ZNF680: variants seen among roughly 807,000 people sequenced by gnomAD.
ZNF680 encodes the protein zinc finger protein 680, also known as hypothetical protein FLJ90430.
ZNF680 carries 6 observed loss-of-function variants against 12.1 expected under a neutral mutation model. That is an observed-to-expected ratio of 0.49 (90% CI 0.27 to 0.98). ZNF680 has a LOEUF of 0.98. Ranked by LOEUF, ZNF680 falls within the 50% of genes least tolerant of loss-of-function variation. The pLI is 0.12. For synonymous variants in ZNF680, 170 were observed against 199.3 expected (o/e 0.85, Z 1.24); for missense variants, 561 against 616.3 (o/e 0.91, Z 0.95).
intron 1 of ZNF680, among the ~76,000 whole-genome samples, chr7:64,545,764 C>T (rs1050583667): frequency 6.6e-6 from 1 of 152,018 alleles, no homozygotes; most frequent in South Asian, 2.1e-4. Flanking sequence ...GTGATAAATG[C>T]CATTCTGTTT....
chr7:64,531,023 A>G (rs1584362976), intron 3 of ZNF680, among the ~76,000 whole-genome samples: 2 of 152,064 alleles, frequency 1.3e-5, no homozygotes, highest in African/African-American at 4.8e-5. Context: ...TGTGATAAAC[A>G]CAGTAAGAGT....
At chr7:64,555,165 G>A (rs1039656573) in intron 1 of ZNF680, among the ~76,000 whole-genome samples, 1 of 151,890 alleles carries the variant, frequency 6.6e-6, no homozygotes, top group African/African-American at 2.4e-5. Context: ...TCAACACTTG[G>A]ACAAACAGTC....
chr7:64,562,820 G>T (rs112656525), intron 1 of ZNF680, 105 bp downstream of exon 1: 18,923 of 1,370,900 alleles, frequency 0.014, 360 homozygotes, highest in African/African-American at 0.055. Context: ...TCGGGCCGCG[G>T]ATTTTGGAGC....
At chr7:64,557,771 TC>T (rs751303808) in intron 1 of ZNF680, among the ~76,000 whole-genome samples, 1 of 151,842 alleles carries the variant, frequency 6.6e-6, no homozygotes, top group Non-Finnish European at 1.5e-5. Flanking sequence ...CACCTGTAGT[TC>T]CAGTTACTCA....
At chr7:64,553,587 T>C (rs184105680) in intron 1 of ZNF680, among the ~76,000 whole-genome samples, 134 of 151,142 alleles carry the variant, frequency 8.9e-4, no homozygotes, top group Non-Finnish European at 1.5e-3. Context: ...AAAGGTGTTA[T>C]AAAAAAAAAT....
Position 64,520,664 on chromosome 7 carries a change from T to C in ZNF680, c.*497A>G, listed in dbSNP as rs1016257118. The C allele has an allele frequency of 6.6e-6, 1 of 152,000 alleles. No homozygotes were observed. Among genetic ancestry groups the C allele is most frequent in the African/African-American group, 2.4e-5 (1 of 41,458 alleles). The allele number at this position is 152,000 out of a possible 1,614,324, so 9.4% of individuals were successfully genotyped here. A position where few individuals can be genotyped will look rare whatever the true frequency, so the allele number is the denominator to read the frequency against. On this transcript the variant is annotated 3_prime_UTR_variant, in exon 4 of 4. Transcript: ENST00000309683. The stretch of plus-strand genomic sequence containing the variant: ...TTGCAGGATTTTTCTCCAATATAAA[T>C]TCCCTGATGTTGAACAAAGTTTGAG...
the ZNF680 span, among the ~76,000 whole-genome samples, chr7:64,512,060 C>CAAAAA: frequency 8.9e-6 from 1 of 112,548 alleles, no homozygotes. Context: ...ACTTGGTCTC[C>CAAAAA]AAAAAAAAAA....
At chr7:64,513,109 A>G in the ZNF680 span, among the ~76,000 whole-genome samples, 2 of 152,194 alleles carry the variant, frequency 1.3e-5, no homozygotes, top group Non-Finnish European at 2.9e-5. Context: ...ACTATGCTAA[A>G]AAAAGTCAAA....
chr7:64,540,081 C>T (rs941401367), intron 3 of ZNF680, among the ~76,000 whole-genome samples: 6 of 152,188 alleles, frequency 3.9e-5, no homozygotes, highest in Middle Eastern at 3.4e-3. Context: ...AAATCACAAA[C>T]GTGTTTCTCT....
the ZNF680 span, among the ~76,000 whole-genome samples, chr7:64,514,533 A>G: frequency 2.0e-5 from 3 of 152,180 alleles, no homozygotes; most frequent in South Asian, 2.1e-4. Flanking sequence ...ATAACAAAAC[A>G]AAACTCATAA....
At chr7:64,500,996 G>A in the ZNF680 span, 5 of 676,514 alleles carry the variant, frequency 7.4e-6, no homozygotes, top group African/African-American at 7.1e-5. Flanking sequence ...TGTTCAACAG[G>A]TGAATGAGAG....
At position 64,521,360 on chromosome 7, in the gene ZNF680, T is replaced by C. The variant is rs1204439496; in HGVS notation, c.1394A>G (p.Asp465Gly). Residue 465 changes from aspartate to glycine, a missense_variant, in exon 4 of 4, where the codon GAT becomes GGT. Asp to Gly is a moderately conservative substitution (Grantham distance 94). Coordinates refer to ENST00000309683, the MANE Select transcript of ZNF680 (RefSeq NM_178558.5). ...IHTGEKSYKCDECGNVFNWPA... is the reference protein window; with the variant it reads ...IHTGEKSYKCGECGNVFNWPA... Reference sequence around the variant, plus strand: ...CCAGTTAAAAACATTGCCACATTCATCACATTTGTAGGATTTCTCTCCAGT... The same window carrying C: ...CCAGTTAAAAACATTGCCACATTCACCACATTTGTAGGATTTCTCTCCAGT... 6.2e-7 allele frequency: 1 copy of C among 1,613,624 alleles called. No homozygotes were observed.
intron 1 of ZNF680, among the ~76,000 whole-genome samples, chr7:64,556,753 A>C (rs1382939247): frequency 1.3e-5 from 2 of 152,358 alleles, no homozygotes; most frequent in Non-Finnish European, 1.5e-5. Context: ...ACTGGCAAAG[A>C]TTTTATGATG....
At position 64,543,656 on chromosome 7, in the gene ZNF680, C is replaced by G. The variant is rs9918710; in HGVS notation, c.253+51G>C. 3,720 of 1,465,954 alleles carry G rather than the reference C, an allele frequency of 2.5e-3. 90 individuals carry two copies. In the African/African-American group the frequency reaches 0.046, roughly 18 times the overall value. 90.8% of individuals were successfully genotyped at this position (1,465,954 alleles called of 1,614,324 possible). A position where few individuals can be genotyped will look rare whatever the true frequency, so the allele number is the denominator to read the frequency against. On this transcript the variant is annotated intron_variant, in intron 3 of 3. Transcript: ENST00000309683. ...CAAGAACTGACTTTCTCTTTGACAT[C>G]TGGACCTCTCATCTGTGTCATCTGT... is the stretch of plus-strand genomic sequence containing the variant.
intron 1 of ZNF680, among the ~76,000 whole-genome samples, chr7:64,548,814 G>A (rs1449376520): frequency 6.6e-6 from 1 of 151,908 alleles, no homozygotes; most frequent in Admixed American, 6.6e-5. Flanking sequence ...GAGAGACTCA[G>A]GGTGATCCTA....
chr7:64,523,555 G>A (rs558888349), intron 3 of ZNF680, among the ~76,000 whole-genome samples: 1 of 152,018 alleles, frequency 6.6e-6, no homozygotes, highest in Admixed American at 6.6e-5. Flanking sequence ...ATATACATAT[G>A]TAAAATATAT....
rs200240783 is a variant in ZNF680, at chr7:64,521,917, T to A, written c.837A>T (p.Ser279=). ...GAATTATCTTATGTTTACTAAGGATTGAGAATAAACTAAAGGCTTTGCCAC... is the reference window on the plus strand; with the variant it reads ...GAATTATCTTATGTTTACTAAGGATAGAGAATAAACTAAAGGCTTTGCCAC... The part of the protein sequence containing the change: ...EECGKAFSLF[S]ILSKHKIIHT... Residue 279 remains serine, a synonymous_variant, in exon 4 of 4, where the codon TCA becomes TCT. Transcript: ENST00000309683. 1.2e-6 allele frequency: 2 copies of A among 1,613,256 alleles called. No individual in the cohort carries two copies.
rs1177098739 is a variant in ZNF680 at position 64,557,578 on chromosome 7, AAC to A, written c.30+5345_30+5346del. On this transcript the variant is annotated intron_variant, in intron 1 of 3. Coordinates refer to ENST00000309683, the MANE Select transcript of ZNF680 (RefSeq NM_178558.5). The stretch of plus-strand genomic sequence containing the variant: ...TCAAAAAAACAAAAAAACAAAAAAA[AAC>A]AAAACAAAAAAAAACTTACCAAAAA... Among the ~76,000 whole-genome samples the A allele has an allele frequency of 2.8e-3, 431 of 151,518 alleles. 5 individuals carry two copies. Among genetic ancestry groups the A allele is most frequent in the South Asian group, 5.2e-3 (25 of 4,798 alleles).
At chr7:64,501,641 A>AT in the ZNF680 span, 53 of 851,004 alleles carry the variant, frequency 6.2e-5, 1 homozygote, top group South Asian at 6.8e-4. Context: ...AAGGTGGGGG[A>AT]TGGCCAGCTG....
Sources: allele counts gnomAD v4.1 joint callset (sites outside exome capture counted in the v4.1 genomes callset), GRCh38; gene constraint gnomAD v4.1.1; transcripts MANE v1.5; gene names NCBI Gene and HGNC (gene_info 2026-07-23, HGNC 2026-07-21).